PRRT2: variants seen among roughly 807,000 people sequenced by gnomAD.
PRRT2 encodes proline-rich transmembrane protein 2.
Under a neutral mutation model 24.7 loss-of-function variants are expected in PRRT2, and 9 were observed. That is an observed-to-expected ratio of 0.36 (90% CI 0.22 to 0.64). The LOEUF (loss-of-function observed/expected upper bound fraction) is 0.64, where lower values mean the gene tolerates loss of function less well. Ranked by LOEUF, PRRT2 falls within the 30% of genes least tolerant of loss-of-function variation. The pLI, the probability that PRRT2 is intolerant of heterozygous loss-of-function variation, is 0.65. For synonymous variants in PRRT2, 195 were observed against 175.5 expected (o/e 1.11, Z -0.88); for missense variants, 460 against 435.0 (o/e 1.06, Z -0.51).
At chr16:29,813,961 C>T (rs748816330) in intron 2 of PRRT2, 28 bp downstream of exon 2, 11 of 1,540,922 alleles carry the variant, frequency 7.1e-6, no homozygotes, top group Non-Finnish European at 1.7e-6. Context: ...CTAGCCCAGG[C>T]CTGCTGTGGC....
chr16:29,814,800 T>G lies in PRRT2; in HGVS notation c.*162T>G. On this transcript the variant is annotated 3_prime_UTR_variant, in exon 4 of 4. Coordinates refer to ENST00000358758, the MANE Select transcript of PRRT2 (RefSeq NM_145239.3). The surrounding 1 kb of genome is among the most constrained non-coding windows in gnomAD (Gnocchi z 4.1). The stretch of plus-strand genomic sequence containing the variant: ...CAGCTTCTGTCCTGCTCCTGCATCT[T>G]GCCAGGCTCCTCTGCCAACTGTAGG... 1.4e-6 allele frequency: 1 copy of G among 731,578 alleles called. No homozygotes were observed. The highest frequency in any genetic ancestry group is 2.2e-6 in the Non-Finnish European group (1 of 450,664). The allele number at this position is 731,578 out of a possible 1,614,324, so 45.3% of individuals were successfully genotyped here.
At position 29,815,810 on chromosome 16, in the gene PRRT2, A is replaced by C. The variant is rs1900221461; in HGVS notation, c.*1172A>C. On this transcript the variant is annotated 3_prime_UTR_variant, in exon 4 of 4. Transcript: ENST00000358758. ...AAAAAAAAAAAAAGGCTATTATCAA[A>C]CTGATTTCTCCCTTTTTGTATGCCG... 1 of 151,392 alleles carries C rather than the reference A, an allele frequency of 6.6e-6. No homozygotes were observed. Among genetic ancestry groups the C allele is most frequent in the African/African-American group, 2.4e-5 (1 of 41,202 alleles). 9.4% of individuals were successfully genotyped at this position (151,392 alleles called of 1,614,324 possible).
chr16:29,814,525 C>T lies in PRRT2; in HGVS notation c.1012+60C>T. The T allele has an allele frequency of 3.1e-6, 5 of 1,607,776 alleles. No individual in the cohort carries two copies. The highest frequency in any genetic ancestry group is 4.2e-6 in the Non-Finnish European group (5 of 1,176,684). ...GGAAGGGTTGGCAAGGGCAGCTTTACTAACCCCTGCCCCTGCTCTCTCCTG... is the reference window on the plus strand; with the variant it reads ...GGAAGGGTTGGCAAGGGCAGCTTTATTAACCCCTGCCCCTGCTCTCTCCTG... On this transcript the variant is annotated intron_variant, in intron 3 of 3. Transcript: ENST00000358758. This position sits in a 1 kb window ranked among gnomAD's most constrained non-coding sequence, Gnocchi z 4.1.
rs1299324384 is a variant in PRRT2, at chr16:29,813,695, C to T, written c.641C>T (p.Ala214Val). The T allele has an allele frequency of 3.1e-6, 3 of 972,726 alleles. No individual in the cohort carries two copies. Among genetic ancestry groups the T allele is most frequent in the East Asian group, 5.3e-5 (1 of 18,934 alleles). 60.3% of individuals were successfully genotyped at this position (972,726 alleles called of 1,614,324 possible). Residue 214 changes from alanine to valine, a missense_variant, in exon 2 of 4, where the codon GCC becomes GTC. Physicochemically the swap from Ala to Val is moderately conservative, Grantham distance 64. Coordinates refer to ENST00000358758, the MANE Select transcript of PRRT2 (RefSeq NM_145239.3). ...PSKKSPPANG[A>V]PPRVLQQLVE... ...AAAAAATCCCCCCCAGCCAATGGGG[C>T]CCCCCCCCGAGTGCTGCAGCAGCTG...
chr16:29,813,630 G>A lies in PRRT2; in HGVS notation c.576G>A (p.Gly192=), dbSNP rs1282962612. ...GAVVPLQAGD[G]EEGPAPEPHS... ...TGGTGCCCCTGCAGGCTGGTGATGGGGAAGAGGGCCCAGCCCCTGAGCCTC... is the reference window on the plus strand; with the variant it reads ...TGGTGCCCCTGCAGGCTGGTGATGGAGAAGAGGGCCCAGCCCCTGAGCCTC... Residue 192 remains glycine (G), a synonymous_variant, in exon 2 of 4, where the codon GGG becomes GGA. Transcript: ENST00000358758. The A allele has an allele frequency of 1.2e-6, 2 of 1,613,204 alleles. No individual in the cohort carries two copies. Among genetic ancestry groups the A allele is most frequent in the Non-Finnish European group, 1.7e-6 (2 of 1,179,648 alleles).
Position 29,814,698 on chromosome 16 carries a change from C to A in PRRT2, c.*60C>A, listed in dbSNP as rs1900161112. 1 of 1,557,018 alleles carries A rather than the reference C, an allele frequency of 6.4e-7. No individual in the cohort carries two copies. The highest frequency in any genetic ancestry group is 8.7e-7 in the Non-Finnish European group (1 of 1,153,124). ...TGTTGGGAGCTGCCTTGGGCCCATCCCTCCCCTGGGGGGAGCCCAACTGAT... is the reference window on the plus strand; with the variant it reads ...TGTTGGGAGCTGCCTTGGGCCCATCACTCCCCTGGGGGGAGCCCAACTGAT... On this transcript the variant is annotated 3_prime_UTR_variant, in exon 4 of 4. Transcript: ENST00000358758. The surrounding 1 kb of genome is among the most constrained non-coding windows in gnomAD (Gnocchi z 4.1).
intron 1 of PRRT2, 114 bp downstream of exon 1, chr16:29,812,437 G>A (rs1024778308): frequency 1.3e-5 from 2 of 153,132 alleles, no homozygotes; most frequent in Non-Finnish European, 2.9e-5. Context: ...TGCTGGGCGG[G>A]CTGAACCATC....
chr16:29,814,559 C>G lies in PRRT2; in HGVS notation c.1013-69C>G. The G allele has an allele frequency of 6.2e-7, 1 of 1,610,956 alleles. No individual in the cohort carries two copies. Among genetic ancestry groups the G allele is most frequent in the Non-Finnish European group, 8.5e-7 (1 of 1,178,074 alleles). On this transcript the variant is annotated intron_variant, in intron 3 of 3. Coordinates refer to ENST00000358758, the MANE Select transcript of PRRT2 (RefSeq NM_145239.3). This position sits in a 1 kb window ranked among gnomAD's most constrained non-coding sequence, Gnocchi z 4.1. Reference sequence around the variant, plus strand: ...GCCCCTGCTCTCTCCTGTCTGTCCTCCTTACCTCTCCTTTGTCTCTCCTTG... The same window carrying G: ...GCCCCTGCTCTCTCCTGTCTGTCCTGCTTACCTCTCCTTTGTCTCTCCTTG...
In PRRT2 at chr16:29,813,705, A is replaced by T; in HGVS notation, c.651A>T (p.Arg217=). 2 of 938,142 alleles carry T rather than the reference A, an allele frequency of 2.1e-6. No individual in the cohort carries two copies. Among genetic ancestry groups the T allele is most frequent in the Non-Finnish European group, 3.1e-6 (2 of 645,226 alleles). 58.1% of individuals were successfully genotyped at this position (938,142 alleles called of 1,614,324 possible). The change falls in exon 2 of 4, where the codon CGA becomes CGT. Residue 217 remains arginine, a synonymous_variant. Transcript: ENST00000358758. ...CCCCAGCCAATGGGGCCCCCCCCCG[A>T]GTGCTGCAGCAGCTGGTTGAGGAGG... The part of the protein sequence containing the change: ...KSPPANGAPP[R]VLQQLVEEDR...
Position 29,813,094 on chromosome 16 carries a change from G to A in PRRT2, c.40G>A (p.Val14Ile), listed in dbSNP as rs1304660738. 3.7e-6 allele frequency: 6 copies of A among 1,613,016 alleles called. No homozygotes were observed. The highest frequency in any genetic ancestry group is 5.1e-6 in the Non-Finnish European group (6 of 1,179,546). ...CTCTGAGATCTCTGAGATGAAGGGG[G>A]TTGAGGAGAGTCCCAAGGTTCCAGG... ...SSSEISEMKG[V>I]EESPKVPGEG... The change falls in exon 2 of 4, where the codon GTT (valine) becomes ATT (isoleucine). Residue 14 changes from valine to isoleucine, a missense_variant. Transcript: ENST00000358758.
Position 29,813,950 on chromosome 16 carries a change from C to T in PRRT2, c.879+17C>T. The T allele has an allele frequency of 6.4e-7, 1 of 1,559,648 alleles. No homozygotes were observed. Among genetic ancestry groups the T allele is most frequent in the Non-Finnish European group, 8.7e-7 (1 of 1,152,212 alleles). ...GCTGTCATGGTGAGCCCCATGGGAC[C>T]CTAGCCCAGGCCTGCTGTGGCTCCC... On this transcript the variant is annotated intron_variant, in intron 2 of 3. Transcript: ENST00000358758.
rs1900072834 is a variant in PRRT2, at chr16:29,813,323, G to A, written c.269G>A (p.Ser90Asn). ...ETAQATDLSL[S>N]PGGESKANCS... ...GCCCAGGCCACAGACCTCAGCTTAA[G>A]CCCAGGAGGGGAATCAAAGGCCAAC... The change falls in exon 2 of 4, where the codon AGC (serine) becomes AAC (asparagine). Residue 90 changes from serine to asparagine, a missense_variant. Around this residue, in one of 3 missense-constraint regions of PRRT2, gnomAD observed 378 missense variants for 324.6 expected, o/e 1.16. Transcript: ENST00000358758. 3 of 1,614,108 alleles carry A rather than the reference G, an allele frequency of 1.9e-6. No homozygotes were observed. Among genetic ancestry groups the A allele is most frequent in the East Asian group, 2.2e-5 (1 of 44,876 alleles).
At position 29,813,215 on chromosome 16, in the gene PRRT2, C is replaced by G; in HGVS notation, c.161C>G (p.Thr54Ser). The change falls in exon 2 of 4, where the codon ACC (threonine) becomes AGC (serine). Residue 54 changes from threonine (T) to serine (S), a missense_variant. Around this residue, in one of 3 missense-constraint regions of PRRT2, gnomAD observed 378 missense variants for 324.6 expected, o/e 1.16. Transcript: ENST00000358758. ...GAGGCCCCGCAGCCAGGTCCAAACACCACTGCGGCCCCTGTGGACTCAGGG... is the reference window on the plus strand; with the variant it reads ...GAGGCCCCGCAGCCAGGTCCAAACAGCACTGCGGCCCCTGTGGACTCAGGG... ...QPEAPQPGPN[T>S]TAAPVDSGPK... The G allele has an allele frequency of 6.2e-7, 1 of 1,613,940 alleles. No homozygotes were observed. Among genetic ancestry groups the G allele is most frequent in the Admixed American group, 1.7e-5 (1 of 60,024 alleles).
Position 29,814,922 on chromosome 16 carries a change from C to A in PRRT2, c.*284C>A, listed in dbSNP as rs1283177991. The A allele has an allele frequency of 2.2e-6, 1 of 456,090 alleles. No individual in the cohort carries two copies. Among genetic ancestry groups the A allele is most frequent in the Admixed American group, 4.0e-5 (1 of 25,076 alleles). The allele number at this position is 456,090 out of a possible 1,614,324, so 28.3% of individuals were successfully genotyped here. A position where few individuals can be genotyped will look rare whatever the true frequency, so the allele number is the denominator to read the frequency against. Reference sequence around the variant, plus strand: ...CTATCCCTGCACTTCTGGAAACCTCCCTGCACTCTGGAAACCTCCCTGAAC... The same window carrying A: ...CTATCCCTGCACTTCTGGAAACCTCACTGCACTCTGGAAACCTCCCTGAAC... On this transcript the variant is annotated 3_prime_UTR_variant, in exon 4 of 4. Transcript: ENST00000358758. This position sits in a 1 kb window ranked among gnomAD's most constrained non-coding sequence, Gnocchi z 4.1.
Position 29,814,365 on chromosome 16 carries a change from C to T in PRRT2, c.912C>T (p.Asp304=), listed in dbSNP as rs759633234. 9.3e-6 allele frequency: 15 copies of T among 1,608,498 alleles called. No individual in the cohort carries two copies. Among genetic ancestry groups the T allele is most frequent in the Admixed American group, 6.7e-5 (4 of 59,712 alleles). The change falls in exon 3 of 4, where the codon GAC becomes GAT. Residue 304 remains aspartate, a synonymous_variant. Transcript: ENST00000358758. This position sits in a 1 kb window ranked among gnomAD's most constrained non-coding sequence, Gnocchi z 4.1. ...ACAGCCTGCAGCAGGGGGACGTGGA[C>T]GGGGCCCAGCGTCTGGGCCGGGTAG... ...SRNSLQQGDV[D]GAQRLGRVAK... is the part of the protein sequence containing the mutation.
In PRRT2 at chr16:29,814,703, C is replaced by T; in HGVS notation, c.*65C>T. On this transcript the variant is annotated 3_prime_UTR_variant, in exon 4 of 4. Coordinates refer to ENST00000358758, the MANE Select transcript of PRRT2 (RefSeq NM_145239.3). The surrounding 1 kb of genome is among the most constrained non-coding windows in gnomAD (Gnocchi z 4.1). ...GGAGCTGCCTTGGGCCCATCCCTCC[C>T]CTGGGGGGAGCCCAACTGATGGCCC... 1 of 1,538,026 alleles carries T rather than the reference C, an allele frequency of 6.5e-7. No individual in the cohort carries two copies. The highest frequency in any genetic ancestry group is 8.7e-7 in the Non-Finnish European group (1 of 1,143,680).
chr16:29,813,656 A>T lies in PRRT2; in HGVS notation c.602A>T (p.His201Leu). The change falls in exon 2 of 4, where the codon CAC becomes CTC. Residue 201 changes from histidine (H) to leucine (L), a missense_variant. Transcript: ENST00000358758. ...GAAGAGGGCCCAGCCCCTGAGCCTC[A>T]CTCACCACCCTCAAAAAAATCCCCC... ...DGEEGPAPEP[H>L]SPPSKKSPPA... 6.2e-7 allele frequency: 1 copy of T among 1,610,112 alleles called. No homozygotes were observed. The highest frequency in any genetic ancestry group is 8.5e-7 in the Non-Finnish European group (1 of 1,178,200).
Position 29,814,763 on chromosome 16 carries a change from C to G in PRRT2, c.*125C>G. 1 of 1,079,872 alleles carries G rather than the reference C, an allele frequency of 9.3e-7. No individual in the cohort carries two copies. The highest frequency in any genetic ancestry group is 1.6e-5 in the South Asian group (1 of 64,392). 66.9% of individuals were successfully genotyped at this position (1,079,872 alleles called of 1,614,324 possible). A position where few individuals can be genotyped will look rare whatever the true frequency, so the allele number is the denominator to read the frequency against. On this transcript the variant is annotated 3_prime_UTR_variant, in exon 4 of 4. Transcript: ENST00000358758. The surrounding 1 kb of genome is among the most constrained non-coding windows in gnomAD (Gnocchi z 4.1). Reference sequence around the variant, plus strand: ...CCCCTAAGGACCAAGGGAGCCTGAGCGGCCTTGTTTACAGCTTCTGTCCTG... The same window carrying G: ...CCCCTAAGGACCAAGGGAGCCTGAGGGGCCTTGTTTACAGCTTCTGTCCTG...
Position 29,814,437 on chromosome 16 carries a change from C to G in PRRT2, c.984C>G (p.Ile328Met). The G allele has an allele frequency of 1.9e-6, 3 of 1,605,054 alleles. No individual in the cohort carries two copies. Among genetic ancestry groups the G allele is most frequent in the Non-Finnish European group, 2.6e-6 (3 of 1,175,412 alleles). ...CGCTGGTGGGGGGAGTCCTCATCAT[C>G]ATCGCCTCCTGCGTCATCAACTTAG... ...IVALVGGVLI[I>M]IASCVINLGV... is the part of the protein sequence containing the mutation. Residue 328 changes from isoleucine (I) to methionine (M), a missense_variant, in exon 3 of 4, where the codon ATC becomes ATG. Ile to Met is a conservative substitution (Grantham distance 10). This residue lies in a region of PRRT2 where 64 missense variants were observed against 71.2 expected (regional missense o/e 0.90). Coordinates refer to ENST00000358758, the MANE Select transcript of PRRT2 (RefSeq NM_145239.3). The surrounding 1 kb of genome is among the most constrained non-coding windows in gnomAD (Gnocchi z 4.1).
Sources: allele counts gnomAD v4.1 joint callset, GRCh38; gene constraint gnomAD v4.1.1; regional missense constraint gnomAD v4.1.1; non-coding constraint Gnocchi (gnomAD v3.1); transcripts MANE v1.5; gene names NCBI Gene and HGNC (gene_info 2026-07-23, HGNC 2026-07-21).